Variants in ROPN1B observed in about 807,000 individuals in gnomAD.
ROPN1B encodes the protein rhophilin associated tail protein 1B.
ROPN1B carries 13 observed loss-of-function variants against 23.7 expected under a neutral mutation model. That is an observed-to-expected ratio of 0.55 (90% CI 0.36 to 0.87). The LOEUF is 0.87. ROPN1B is among the 40% of genes least tolerant of loss of function. ROPN1B has a pLI of 0.01. For missense variants in ROPN1B, 183 were observed against 249.2 expected, an observed-to-expected ratio of 0.73 and a Z score of 1.79; for synonymous variants, 67 against 100.4, an observed-to-expected ratio of 0.67 and a Z score of 1.99.
chr3:125,969,768 G>T (rs187197684), intron 1 of ROPN1B, among the ~76,000 whole-genome samples: 1 of 152,430 alleles, frequency 6.6e-6, no homozygotes, highest in Non-Finnish European at 1.5e-5. Context: ...TTGTCATGTG[G>T]ACCAATGGGC....
chr3:125,980,094 G>A (rs1364083783), intron 5 of ROPN1B, among the ~76,000 whole-genome samples: 1 of 152,186 alleles, frequency 6.6e-6, no homozygotes, highest in South Asian at 2.1e-4. Context: ...CTTTGAAAAT[G>A]AAGCTCGCAA....
chr3:125,979,184 C>T (rs1056523263), intron 5 of ROPN1B, among the ~76,000 whole-genome samples: 1 of 152,130 alleles, frequency 6.6e-6, no homozygotes, highest in African/African-American at 2.4e-5. Flanking sequence ...ATCCCCATGT[C>T]AAAGAACCCC....
chr3:125,980,415 CAGA>C (rs200199283), intron 5 of ROPN1B, among the ~76,000 whole-genome samples: 1 of 152,158 alleles, frequency 6.6e-6, no homozygotes, highest in Non-Finnish European at 1.5e-5. Flanking sequence ...TTCTGGAGGA[CAGA>C]AGTTCTGGGA....
chr3:125,974,642 C>A (rs556724440), intron 3 of ROPN1B, among the ~76,000 whole-genome samples: 1 of 152,296 alleles, frequency 6.6e-6, no homozygotes, highest in Non-Finnish European at 1.5e-5. Context: ...ATGTCCATTC[C>A]CTGCTGCAGG....
chr3:125,977,407 GC>G (rs1250302214), intron 5 of ROPN1B: 61 of 550,928 alleles, frequency 1.1e-4, no homozygotes, highest in Admixed American at 1.0e-3. Flanking sequence ...CTACAGTGTA[GC>G]TCTTGGATTA....
intron 3 of ROPN1B, 179 bp downstream of exon 3, chr3:125,972,349 C>T (rs1231535491): frequency 1.1e-5 from 7 of 643,892 alleles, no homozygotes; most frequent in Non-Finnish European, 1.6e-5. Flanking sequence ...TACATCTAGC[C>T]GGGCAAGGAT....
intron 5 of ROPN1B, chr3:125,977,571 C>T (rs1938467574): frequency 4.0e-6 from 1 of 247,626 alleles, no homozygotes; most frequent in African/African-American, 2.2e-5. Context: ...TTATAGAAAA[C>T]TATGTAATAA....
At chr3:125,972,951 T>C (rs553817475) in intron 3 of ROPN1B, 9 of 368,782 alleles carry the variant, frequency 2.4e-5, no homozygotes, top group East Asian at 1.5e-4. Context: ...CGGGCCTGGA[T>C]TGAAGTAGCT....
intron 5 of ROPN1B, among the ~76,000 whole-genome samples, chr3:125,978,679 G>T (rs1283856259): frequency 6.6e-6 from 1 of 152,152 alleles, no homozygotes; most frequent in African/African-American, 2.4e-5. Flanking sequence ...GTCTCTCCCA[G>T]ATTGGTGAAA....
intron 3 of ROPN1B, chr3:125,973,112 T>G (rs1938275579): frequency 2.9e-6 from 1 of 346,044 alleles, no homozygotes; most frequent in Non-Finnish European, 5.7e-6. Flanking sequence ...GATTCCCTGC[T>G]TAGGAGGGTT....
intron 3 of ROPN1B, among the ~76,000 whole-genome samples, chr3:125,974,058 A>T (rs185957088): frequency 2.0e-5 from 3 of 152,202 alleles, no homozygotes; most frequent in Non-Finnish European, 4.4e-5. Context: ...GAAATCCATG[A>T]TTACAGCTTT....
chr3:125,972,608 C>A (rs1051279107), intron 3 of ROPN1B: 15 of 369,448 alleles, frequency 4.1e-5, no homozygotes, highest in Non-Finnish European at 7.5e-5. Context: ...GAAGCGACAG[C>A]CCTGGGTGGA....
At position 125,983,381 on chromosome 3, in the gene ROPN1B, A is replaced by G; in HGVS notation, c.*61A>G. ...AGGTGATTGTACTTCAGAATGATAA[A>G]CCCATATACCACCTAAAATCAATTT... On this transcript the variant is annotated 3_prime_UTR_variant, in exon 7 of 7. Coordinates refer to ENST00000514116, the MANE Select transcript of ROPN1B (RefSeq NM_001308313.2). The G allele has an allele frequency of 9.1e-7, 1 of 1,102,050 alleles. No homozygotes were observed. The highest frequency in any genetic ancestry group is 1.3e-5 in the South Asian group (1 of 79,012). The allele number at this position is 1,102,050 out of a possible 1,614,324, so 68.3% of individuals were successfully genotyped here.
Position 125,972,200 on chromosome 3 carries a change from T to G in ROPN1B, c.116+30T>G, listed in dbSNP as rs145292095. On this transcript the variant is annotated intron_variant, in intron 3 of 6. Coordinates refer to ENST00000514116, the MANE Select transcript of ROPN1B (RefSeq NM_001308313.2). Reference sequence around the variant, plus strand: ...GTGCTCCTTTCTCGCCTTCATCTCTTGGAGGACGGGCGGGGAGAGAGGGTC... The same window carrying G: ...GTGCTCCTTTCTCGCCTTCATCTCTGGGAGGACGGGCGGGGAGAGAGGGTC... 4.4e-4 allele frequency: 715 copies of G among 1,611,430 alleles called. 5 individuals carry two copies. In the East Asian group the frequency reaches 0.013, roughly 30 times the overall value.
chr3:125,983,110 G>C, intron 6 of ROPN1B, 144 bp from the exon 7 acceptor site: 1 of 644,772 alleles, frequency 1.6e-6, no homozygotes, highest in Admixed American at 2.5e-5. Context: ...CTGGACGACA[G>C]AGCCAGACCC....
Position 125,975,583 on chromosome 3 carries a change from G to A in ROPN1B, c.137G>A (p.Arg46His), listed in dbSNP as rs148020640. Residue 46 changes from arginine to histidine, a missense_variant, in exon 4 of 7, where the codon CGT becomes CAT. Coordinates refer to ENST00000514116, the MANE Select transcript of ROPN1B (RefSeq NM_001308313.2). ...WGADYFEALS[R>H]GETPPVRERS... ...TGTAGTTATTTTGAGGCCCTGTCCC[G>A]TGGAGAGACGCCTCCGGTGAGAGAG... 1,208 of 1,613,870 alleles carry A rather than the reference G, an allele frequency of 7.5e-4. 6 individuals are homozygous for A. In the African/African-American group the frequency reaches 0.013, roughly 17 times the overall value.
rs757915227 is a variant in ROPN1B, at chr3:125,983,390, C to G, written c.*70C>G. On this transcript the variant is annotated 3_prime_UTR_variant, in exon 7 of 7. Coordinates refer to ENST00000514116, the MANE Select transcript of ROPN1B (RefSeq NM_001308313.2). ...TACTTCAGAATGATAAACCCATATA[C>G]CACCTAAAATCAATTTTCTTGTACA... The G allele has an allele frequency of 7.7e-6, 8 of 1,041,002 alleles. No homozygotes were observed. The highest frequency in any genetic ancestry group is 1.1e-5 in the Non-Finnish European group (7 of 662,918). The allele number at this position is 1,041,002 out of a possible 1,614,324, so 64.5% of individuals were successfully genotyped here.
At chr3:125,971,267 A>T (rs942614069) in intron 2 of ROPN1B, 105 bp downstream of exon 2, 2 of 152,192 alleles carry the variant, frequency 1.3e-5, no homozygotes, top group African/African-American at 4.8e-5. Context: ...CAGCAAGGCA[A>T]TGTGAAAGGC....
chr3:125,981,813 A>C (rs1408141770), intron 5 of ROPN1B, among the ~76,000 whole-genome samples: 1 of 152,082 alleles, frequency 6.6e-6, no homozygotes, highest in Non-Finnish European at 1.5e-5. Flanking sequence ...CTGGGACTCT[A>C]TTTTCCTGGG....
Sources: allele counts gnomAD v4.1 joint callset (sites outside exome capture counted in the v4.1 genomes callset), GRCh38; gene constraint gnomAD v4.1.1; transcripts MANE v1.5; gene names NCBI Gene and HGNC (gene_info 2026-07-23, HGNC 2026-07-21).